BABAM2: variants seen among roughly 807,000 people sequenced by gnomAD.
The protein encoded by BABAM2 is BRISC and BRCA1 A complex member 2.
In BABAM2, 31 loss-of-function variants were observed where a neutral mutation model predicts 54.7. The observed-to-expected ratio is 0.57, with a 90% CI of 0.43 to 0.77. The LOEUF (loss-of-function observed/expected upper bound fraction) is 0.77, where lower values mean the gene tolerates loss of function less well. BABAM2 is among the 30% of genes least tolerant of loss of function. The pLI is 0.00. For synonymous variants in BABAM2, 167 were observed against 162.9 expected, an observed-to-expected ratio of 1.03 and a Z score of -0.19; for missense variants, 364 against 455.8, an observed-to-expected ratio of 0.80 and a Z score of 1.83.
At chr2:27,978,813 C>T (rs1671786970) in intron 3 of BABAM2, among the ~76,000 whole-genome samples, 1 of 152,018 alleles carries the variant, frequency 6.6e-6, no homozygotes, top group Non-Finnish European at 1.5e-5. Flanking sequence ...CTCAAGTAGG[C>T]CCCAGTGTCT....
chr2:28,142,389 T>A (rs1416991523), intron 7 of BABAM2, among the ~76,000 whole-genome samples: 1 of 152,112 alleles, frequency 6.6e-6, no homozygotes, highest in East Asian at 1.9e-4. Flanking sequence ...AAAATAGAGG[T>A]CATTTTTGAA....
intron 3 of BABAM2, among the ~76,000 whole-genome samples, chr2:27,950,249 G>A (rs1030433026): frequency 2.0e-5 from 3 of 152,072 alleles, no homozygotes; most frequent in African/African-American, 7.2e-5. Context: ...TGAAGAAAAG[G>A]CATTTTAAGA....
chr2:27,994,481 C>A (rs1036069203), intron 4 of BABAM2, among the ~76,000 whole-genome samples: 10 of 152,134 alleles, frequency 6.6e-5, no homozygotes, highest in African/African-American at 2.4e-4. Context: ...ATCACTATGA[C>A]CACCTTGCCT....
At chr2:28,189,303 A>T (rs1269874345) in intron 7 of BABAM2, among the ~76,000 whole-genome samples, 4 of 152,230 alleles carry the variant, frequency 2.6e-5, no homozygotes, top group Non-Finnish European at 5.9e-5. Flanking sequence ...AAGGGCTTGC[A>T]ATTTAGTTGG....
chr2:28,250,701 G>A (rs559702069), intron 10 of BABAM2, among the ~76,000 whole-genome samples: 7 of 151,724 alleles, frequency 4.6e-5, no homozygotes, highest in Admixed American at 4.0e-4. Flanking sequence ...CCAGGTTCAA[G>A]CAATTCTCCT....
Position 28,272,290 on chromosome 2 carries a change from T to A in BABAM2, c.935-26048T>A, listed in dbSNP as rs149933046. Among the ~76,000 whole-genome samples the A allele has an allele frequency of 3.0e-3, 464 of 152,372 alleles. 4 individuals are homozygous for A. The highest frequency in any genetic ancestry group is 0.01 in the African/African-American group (426 of 41,590). On this transcript the variant is annotated intron_variant, in intron 10 of 11. Transcript: ENST00000379624. ...AAAAACTAAATTAAATATCAAGTTT[T>A]TTGTTTTAGGTTTAGAAATGTGGTT...
rs374596314 is a variant in BABAM2 at position 28,115,401 on chromosome 2, C to T, written c.571-13870C>T. Among the ~76,000 whole-genome samples, 33 of 151,980 alleles carry T rather than the reference C, an allele frequency of 2.2e-4. No homozygotes were observed. In the East Asian group the frequency reaches 2.3e-3, roughly 11 times the overall value. On this transcript the variant is annotated intron_variant, in intron 6 of 11. Coordinates refer to ENST00000379624, the MANE Select transcript of BABAM2 (RefSeq NM_199191.3). ...CTGCACTTTGGGAGGCCAAGGCGGGCGGATCACGAGGTCAGGAGATCGAGA... is the reference window on the plus strand; with the variant it reads ...CTGCACTTTGGGAGGCCAAGGCGGGTGGATCACGAGGTCAGGAGATCGAGA...
chr2:28,330,771 A>G (rs959787292), intron 11 of BABAM2, among the ~76,000 whole-genome samples: 1 of 152,244 alleles, frequency 6.6e-6, no homozygotes, highest in Non-Finnish European at 1.5e-5. Context: ...AGCAATTTAT[A>G]GATTCAATGC....
intron 3 of BABAM2, among the ~76,000 whole-genome samples, chr2:27,937,202 A>G (rs901762035): frequency 9.2e-5 from 14 of 152,324 alleles, no homozygotes; most frequent in Admixed American, 7.2e-4. Context: ...TGCCTAATAC[A>G]ATGTAAATTC....
intron 7 of BABAM2, among the ~76,000 whole-genome samples, chr2:28,174,929 C>T (rs1573753239): frequency 6.6e-6 from 1 of 152,270 alleles, no homozygotes; most frequent in African/African-American, 2.4e-5. Flanking sequence ...CACTACAGCA[C>T]ACAGTATCCT....
At chr2:27,915,673 A>G (rs1432405384) in intron 2 of BABAM2, among the ~76,000 whole-genome samples, 1 of 1,532 alleles carries the variant, frequency 6.5e-4, no homozygotes, top group Non-Finnish European at 1.5e-3. Flanking sequence ...GAAGATATAA[A>G]AAACGTTTTT....
chr2:28,222,687 G>A (rs1680524666), intron 7 of BABAM2, among the ~76,000 whole-genome samples: 1 of 152,206 alleles, frequency 6.6e-6, no homozygotes, highest in Non-Finnish European at 1.5e-5. Flanking sequence ...TTCCAAAAAA[G>A]TTATTAGGCC....
chr2:28,275,767 G>A (rs1405001321), intron 10 of BABAM2, among the ~76,000 whole-genome samples: 7 of 152,094 alleles, frequency 4.6e-5, no homozygotes, highest in African/African-American at 7.2e-5. Context: ...TAAACATCCC[G>A]CAGAGAGGAC....
At chr2:27,943,523 C>T (rs942143364) in intron 3 of BABAM2, among the ~76,000 whole-genome samples, 8 of 152,140 alleles carry the variant, frequency 5.3e-5, no homozygotes, top group East Asian at 1.9e-4. Context: ...GTTTTTCATT[C>T]GCGCTCACAA....
chr2:28,267,265 C>T (rs1685059915), intron 10 of BABAM2, among the ~76,000 whole-genome samples: 1 of 152,098 alleles, frequency 6.6e-6, no homozygotes, highest in African/African-American at 2.4e-5. Context: ...TATCAACAAC[C>T]AGGATAGGAT....
At chr2:28,137,493 A>C (rs1277832267) in intron 7 of BABAM2, among the ~76,000 whole-genome samples, 1 of 152,322 alleles carries the variant, frequency 6.6e-6, no homozygotes, top group Non-Finnish European at 1.5e-5. Context: ...AAGTTCAGCA[A>C]GTTTTCATTA....
chr2:28,198,599 T>C (rs1677894764), intron 7 of BABAM2, among the ~76,000 whole-genome samples: 1 of 152,210 alleles, frequency 6.6e-6, no homozygotes, highest in African/African-American at 2.4e-5. Flanking sequence ...TGTGTGTCCA[T>C]AGTACCTGTC....
intron 7 of BABAM2, among the ~76,000 whole-genome samples, chr2:28,176,436 G>T (rs1437413334): frequency 6.6e-6 from 1 of 151,302 alleles, no homozygotes; most frequent in Non-Finnish European, 1.5e-5. Context: ...TGAGCATGGT[G>T]GCGCACACCT....
At position 28,167,704 on chromosome 2, in the gene BABAM2, AT is replaced by A. The variant is rs1349776931; in HGVS notation, c.680+38325del. Among the ~76,000 whole-genome samples, 15 of 61,936 alleles carry A rather than the reference AT, an allele frequency of 2.4e-4. 1 individual carries two copies. Among genetic ancestry groups the A allele is most frequent in the East Asian group, 1.1e-3 (1 of 948 alleles). 40.6% of individuals were successfully genotyped at this position (61,936 alleles called of 152,430 possible). A position where few individuals can be genotyped will look rare whatever the true frequency, so the allele number is the denominator to read the frequency against. Reference sequence around the variant, plus strand: ...GCGAGACTCCATCTCAAAAAAATAAATAAATAAATAAATAAATAAATAAATA... The same window carrying A: ...GCGAGACTCCATCTCAAAAAAATAAAAAATAAATAAATAAATAAATAAATA... On this transcript the variant is annotated intron_variant, in intron 7 of 11. Coordinates refer to ENST00000379624, the MANE Select transcript of BABAM2 (RefSeq NM_199191.3).
Sources: gnomAD v4.1 joint callset for allele counts (sites outside exome capture counted in the v4.1 genomes callset) on GRCh38, gnomAD v4.1.1 for gene constraint, MANE v1.5 for transcripts, NCBI Gene and HGNC (gene_info 2026-07-23, HGNC 2026-07-21) for gene names.